Variants in ANO2 observed in about 807,000 individuals in gnomAD.
ANO2 encodes anoctamin 2, also known as anoctamin-2.
A neutral mutation model predicts 124.2 loss-of-function variants in ANO2; 101 were observed. That is an observed-to-expected ratio of 0.81 (90% CI 0.69 to 0.96). The LOEUF (loss-of-function observed/expected upper bound fraction) is 0.96. Among genes scored for constraint, ANO2 ranks in the 40% least tolerant of loss-of-function variants. The pLI is 0.00. For missense variants in ANO2, 1,293 were observed against 1,274.5 expected, an observed-to-expected ratio of 1.01 and a Z score of -0.22; for synonymous variants, 486 against 482.5, an observed-to-expected ratio of 1.01 and a Z score of -0.09.
chr12:5,656,552 GT>G (rs1947165612), intron 14 of ANO2, among the ~76,000 whole-genome samples: 1 of 152,108 alleles, frequency 6.6e-6, no homozygotes. Context: ...TGATGGCTTA[GT>G]TCAGGCCCTG....
Position 5,806,042 on chromosome 12 carries a change from G to T in ANO2, c.990+10C>A, listed in dbSNP as rs752279125. The T allele has an allele frequency of 6.2e-7, 1 of 1,613,442 alleles. No homozygotes were observed. Reference sequence around the variant, plus strand: ...CCCAAAGTCCAGGATGCTGCACGAGGCAGGCTTACCTTCCTGTCATTCATA... The same window carrying T: ...CCCAAAGTCCAGGATGCTGCACGAGTCAGGCTTACCTTCCTGTCATTCATA... On this transcript the variant is annotated intron_variant, in intron 9 of 24. Transcript: ENST00000682330.
At chr12:5,708,311 A>G (rs1012624930) in intron 14 of ANO2, among the ~76,000 whole-genome samples, 13 of 152,150 alleles carry the variant, frequency 8.5e-5, no homozygotes, top group Admixed American at 3.3e-4. Flanking sequence ...TTACAATGCA[A>G]ATCTGATTAC....
intron 3 of ANO2, among the ~76,000 whole-genome samples, chr12:5,898,321 T>C (rs1290921527): frequency 1.3e-5 from 2 of 152,212 alleles, no homozygotes; most frequent in African/African-American, 4.8e-5. Context: ...GCAAACACTT[T>C]GGAAACTTTC....
rs186528627 is a variant in ANO2, at chr12:5,848,361, C to T, written c.633+5682G>A. ...ATTTCCCTTGCACTTCCCTACTTCCCCCCCTCCCCAGTTACATGATTCTTT... is the reference window on the plus strand; with the variant it reads ...ATTTCCCTTGCACTTCCCTACTTCCTCCCCTCCCCAGTTACATGATTCTTT... On this transcript the variant is annotated intron_variant, in intron 4 of 24. Transcript: ENST00000682330. Among the ~76,000 whole-genome samples, 153 of 146,494 alleles carry T rather than the reference C, an allele frequency of 1.0e-3. No homozygotes were observed. In the East Asian group the frequency reaches 0.025, roughly 24 times the overall value.
rs1460599962 is a variant in ANO2, at chr12:5,829,123, C to T, written c.841-1303G>A. Among the ~76,000 whole-genome samples, 3 of 152,124 alleles carry T rather than the reference C, an allele frequency of 2.0e-5. No individual in the cohort carries two copies. The East Asian group carries it at 5.8e-4, about 29-fold the overall frequency. ...GAGTGGTAAATAAATAACTACGGGGCCCAAGAGTGTTTAATTCTGCTCCTA... is the reference window on the plus strand; with the variant it reads ...GAGTGGTAAATAAATAACTACGGGGTCCAAGAGTGTTTAATTCTGCTCCTA... On this transcript the variant is annotated intron_variant, in intron 6 of 24. Transcript: ENST00000682330.
At position 5,613,321 on chromosome 12, in the gene ANO2, A is replaced by G. The variant is rs149577272; in HGVS notation, c.1929-363T>C. On this transcript the variant is annotated intron_variant, in intron 17 of 24. Coordinates refer to ENST00000682330, the MANE Select transcript of ANO2 (RefSeq NM_001364791.2). Reference sequence around the variant, plus strand: ...TTCTTCCCTAGCTGGTGTCAAGAACACAGCTCTGGTTGCAACTCCTTAGTA... The same window carrying G: ...TTCTTCCCTAGCTGGTGTCAAGAACGCAGCTCTGGTTGCAACTCCTTAGTA... Among the ~76,000 whole-genome samples, 864 of 152,280 alleles carry G rather than the reference A, an allele frequency of 5.7e-3. 10 individuals carry two copies. The highest frequency in any genetic ancestry group is 0.019 in the African/African-American group (808 of 41,562).
intron 3 of ANO2, among the ~76,000 whole-genome samples, chr12:5,878,558 C>T (rs1250264850): frequency 6.6e-6 from 1 of 152,204 alleles, no homozygotes; most frequent in Non-Finnish European, 1.5e-5. Flanking sequence ...TGATTTTTCT[C>T]TTAAGCTGGA....
At chr12:5,912,285 T>C (rs116475984) in intron 3 of ANO2, among the ~76,000 whole-genome samples, 1 of 152,054 alleles carries the variant, frequency 6.6e-6, no homozygotes, top group South Asian at 2.1e-4. Flanking sequence ...CTGGGGAGTA[T>C]GAGAGAATAA....
At chr12:5,626,271 G>A (rs1252498461) in intron 16 of ANO2, among the ~76,000 whole-genome samples, 1 of 152,096 alleles carries the variant, frequency 6.6e-6, no homozygotes, top group Non-Finnish European at 1.5e-5. Flanking sequence ...TTCCCAGGGA[G>A]AGCAGGGGCC....
chr12:5,775,519 T>C (rs1315715320), intron 10 of ANO2, among the ~76,000 whole-genome samples: 3 of 150,080 alleles, frequency 2.0e-5, no homozygotes, highest in Non-Finnish European at 3.0e-5. Flanking sequence ...TGGAGTGCAG[T>C]GGCGCGATCT....
intron 3 of ANO2, among the ~76,000 whole-genome samples, chr12:5,912,603 G>A (rs1941120726): frequency 6.6e-6 from 1 of 152,210 alleles, no homozygotes; most frequent in African/African-American, 2.4e-5. Flanking sequence ...GCTGCCCGGA[G>A]GCGTCCCCTC....
intron 10 of ANO2, among the ~76,000 whole-genome samples, chr12:5,791,025 C>T (rs1952680044): frequency 6.6e-6 from 1 of 152,158 alleles, no homozygotes; most frequent in African/African-American, 2.4e-5. Context: ...CCTTGAACTT[C>T]AGTAACATCA....
At position 5,940,819 on chromosome 12, in the gene ANO2, A is replaced by G. The variant is rs1942864712; in HGVS notation, c.22+4377T>C. Among the ~76,000 whole-genome samples, 2 of 152,254 alleles carry G rather than the reference A, an allele frequency of 1.3e-5. 1 individual carries two copies. The highest frequency in any genetic ancestry group is 4.1e-4 in the South Asian group (2 of 4,832). ...CTTGTACTTGAAAGTTCATAGCAGT[A>G]TCATTTATAGTAACAAAAACTAGGA... is the stretch of plus-strand genomic sequence containing the variant. On this transcript the variant is annotated intron_variant, in intron 1 of 24. Coordinates refer to ENST00000682330, the MANE Select transcript of ANO2 (RefSeq NM_001364791.2).
intron 14 of ANO2, among the ~76,000 whole-genome samples, chr12:5,683,108 A>C (rs891628162): frequency 6.6e-6 from 1 of 152,050 alleles, no homozygotes; most frequent in Non-Finnish European, 1.5e-5. Context: ...TACCCTGTGC[A>C]CTCTGAAGTA....
At chr12:5,704,967 G>GA (rs1385699502) in intron 14 of ANO2, among the ~76,000 whole-genome samples, 2 of 152,014 alleles carry the variant, frequency 1.3e-5, no homozygotes, top group Non-Finnish European at 2.9e-5. Context: ...TCACTTCTGG[G>GA]AAAATTGTAC....
chr12:5,665,151 G>T (rs1302768864), intron 14 of ANO2, among the ~76,000 whole-genome samples: 1 of 152,080 alleles, frequency 6.6e-6, no homozygotes, highest in Admixed American at 6.5e-5. Flanking sequence ...GGATGTCTCT[G>T]CAAAGCGCAG....
chr12:5,865,841 T>C (rs1379862943), intron 3 of ANO2, among the ~76,000 whole-genome samples: 5 of 152,230 alleles, frequency 3.3e-5, no homozygotes, highest in African/African-American at 1.2e-4. Context: ...AGTCACACCA[T>C]TTTCATTCTC....
At chr12:5,920,727 T>C (rs981437734) in intron 3 of ANO2, among the ~76,000 whole-genome samples, 2 of 151,806 alleles carry the variant, frequency 1.3e-5, no homozygotes, top group Non-Finnish European at 2.9e-5. Flanking sequence ...ATTAGCTGGG[T>C]CTGGTGGCGG....
chr12:5,615,111 C>A, intron 17 of ANO2, 75 bp downstream of exon 17: 1 of 1,196,880 alleles, frequency 8.4e-7, no homozygotes, highest in Non-Finnish European at 1.2e-6. Context: ...GACAGGCTGA[C>A]CCTATTGTCC....
Sources: gnomAD v4.1 joint callset for allele counts (sites outside exome capture counted in the v4.1 genomes callset) on GRCh38, gnomAD v4.1.1 for gene constraint, MANE v1.5 for transcripts, NCBI Gene and HGNC (gene_info 2026-07-23, HGNC 2026-07-21) for gene names.